ADD3: variants seen among roughly 807,000 people sequenced by gnomAD.
ADD3 encodes the protein gamma-adducin.
ADD3 carries 25 observed loss-of-function variants against 80.2 expected under a neutral mutation model. That is an observed-to-expected ratio of 0.31 (90% CI 0.23 to 0.44). The LOEUF is 0.44. Ranked by LOEUF, ADD3 falls within the 20% of genes least tolerant of loss-of-function variation. ADD3 has a pLI of 1.00. For missense variants in ADD3, 829 were observed against 847.5 expected, an observed-to-expected ratio of 0.98 and a Z score of 0.27; for synonymous variants, 284 against 289.6, an observed-to-expected ratio of 0.98 and a Z score of 0.20.
chr10:110,040,235 G>T (rs929848108), intron 1 of ADD3, among the ~76,000 whole-genome samples: 1 of 151,838 alleles, frequency 6.6e-6, no homozygotes, highest in African/African-American at 2.4e-5. Flanking sequence ...GTTAGACATT[G>T]CTAGTTTGAA....
upstream of ADD3, among the ~76,000 whole-genome samples, chr10:110,003,245 T>C (rs1278336169): frequency 6.6e-6 from 1 of 151,738 alleles, no homozygotes; most frequent in Non-Finnish European, 1.5e-5. Context: ...TATGCATATT[T>C]CCCAACCCAA....
rs12268910 is a variant in ADD3 at position 110,118,752 on chromosome 10, T to G, written c.717+16T>G. 0.23 allele frequency: 368,606 copies of G among 1,608,486 alleles called. 60,748 individuals are homozygous for G. The highest frequency in any genetic ancestry group is 0.75 in the African/African-American group (56,479 of 74,828). On this transcript the variant is annotated intron_variant, in intron 6 of 14. Coordinates refer to ENST00000356080, the MANE Select transcript of ADD3 (RefSeq NM_016824.5). ...AACAGCAGCTGTAAGTCAATGAAAG[T>G]CCAAAACTGACAGGACGCTGGAAGA...
At chr10:110,061,546 A>G (rs1322237787) in intron 1 of ADD3, among the ~76,000 whole-genome samples, 6 of 152,258 alleles carry the variant, frequency 3.9e-5, no homozygotes, top group South Asian at 2.1e-4. Context: ...TGCAGTGCCC[A>G]TAAGTGCTGA....
At chr10:110,124,411 T>C in intron 10 of ADD3, 137 bp downstream of exon 10, 3 of 1,039,826 alleles carry the variant, frequency 2.9e-6, no homozygotes, top group Middle Eastern at 6.1e-4. Context: ...GGCTTTAACT[T>C]TGTGCAAGAC....
chr10:110,015,158 A>G (rs1852807453), intron 1 of ADD3, among the ~76,000 whole-genome samples: 1 of 152,160 alleles, frequency 6.6e-6, no homozygotes, highest in Non-Finnish European at 1.5e-5. Context: ...TGGAGATTGC[A>G]CTAAAAGGAA....
intron 6 of ADD3, 65 bp from the exon 7 acceptor site, chr10:110,119,146 C>A: frequency 6.4e-7 from 1 of 1,562,310 alleles, no homozygotes; most frequent in Non-Finnish European, 8.8e-7. Flanking sequence ...ACCAAACAAT[C>A]AGGTTCCTAT....
chr10:110,028,827 A>G (rs1055513698), intron 1 of ADD3, among the ~76,000 whole-genome samples: 6 of 151,730 alleles, frequency 4.0e-5, no homozygotes, highest in African/African-American at 1.5e-4. Flanking sequence ...GTTAAGAGAA[A>G]AATCACAATT....
intron 5 of ADD3, among the ~76,000 whole-genome samples, chr10:110,118,055 C>T (rs1323497160): frequency 2.1e-5 from 3 of 141,572 alleles, no homozygotes; most frequent in East Asian, 2.0e-4. Flanking sequence ...CACACACACA[C>T]ACACACACAC....
At chr10:110,088,855 A>G (rs1308968981) in intron 1 of ADD3, among the ~76,000 whole-genome samples, 1 of 152,040 alleles carries the variant, frequency 6.6e-6, no homozygotes, top group Non-Finnish European at 1.5e-5. Flanking sequence ...CGTCACAATG[A>G]CTGTATTAGG....
chr10:110,060,046 G>A (rs1858695913), intron 1 of ADD3, among the ~76,000 whole-genome samples: 1 of 152,222 alleles, frequency 6.6e-6, no homozygotes, highest in Non-Finnish European at 1.5e-5. Context: ...TGCTAGAAAT[G>A]TGAAGTGAAG....
At chr10:110,037,268 T>C (rs1030479384) in intron 1 of ADD3, among the ~76,000 whole-genome samples, 1 of 152,378 alleles carries the variant, frequency 6.6e-6, no homozygotes, top group African/African-American at 2.4e-5. Context: ...GCATGAAATT[T>C]TGTGACACAG....
chr10:110,101,635 TAAA>T (rs201966150), intron 2 of ADD3, among the ~76,000 whole-genome samples: 3 of 102,696 alleles, frequency 2.9e-5, no homozygotes, highest in Non-Finnish European at 4.1e-5. Flanking sequence ...AGACCTTACC[TAAA>T]AAAAAAAAAA....
intron 1 of ADD3, among the ~76,000 whole-genome samples, chr10:110,088,134 C>G (rs1847030620): frequency 6.6e-6 from 1 of 152,166 alleles, no homozygotes; most frequent in Non-Finnish European, 1.5e-5. Context: ...AGGACTCACC[C>G]TAATCCAGTA....
chr10:110,064,703 C>G (rs1334809631), intron 1 of ADD3, among the ~76,000 whole-genome samples: 1 of 152,136 alleles, frequency 6.6e-6, no homozygotes, highest in Non-Finnish European at 1.5e-5. Flanking sequence ...GCTGTCTCTT[C>G]CCTTTTTCTG....
At chr10:110,015,665 C>T (rs1488893248) in intron 1 of ADD3, among the ~76,000 whole-genome samples, 6 of 149,704 alleles carry the variant, frequency 4.0e-5, no homozygotes, top group African/African-American at 1.0e-4. Flanking sequence ...TGAGCCACTG[C>T]GCCTGGCAGA....
At position 110,104,443 on chromosome 10, in the gene ADD3, C is replaced by G. The variant is rs11194984; in HGVS notation, c.195+3595C>G. Among the ~76,000 whole-genome samples, 715 of 152,276 alleles carry G rather than the reference C, an allele frequency of 4.7e-3. 10 individuals carry two copies. The highest frequency in any genetic ancestry group is 0.016 in the African/African-American group (661 of 41,534). On this transcript the variant is annotated intron_variant, in intron 2 of 14. Coordinates refer to ENST00000356080, the MANE Select transcript of ADD3 (RefSeq NM_016824.5). ...AGAAGTTTTAGGGGTGCAAAGGCCCCTTTTCCTTTTGTACTGTCTTTGTTC... is the reference window on the plus strand; with the variant it reads ...AGAAGTTTTAGGGGTGCAAAGGCCCGTTTTCCTTTTGTACTGTCTTTGTTC...
At chr10:110,063,450 T>C (rs1158929468) in intron 1 of ADD3, among the ~76,000 whole-genome samples, 1 of 152,010 alleles carries the variant, frequency 6.6e-6, no homozygotes, top group East Asian at 1.9e-4. Flanking sequence ...GGAGTATATA[T>C]AGAGCTCATA....
chr10:110,126,599 T>C (rs1852188604), intron 12 of ADD3, 96 bp downstream of exon 12: 10 of 883,340 alleles, frequency 1.1e-5, no homozygotes, highest in Middle Eastern at 3.3e-4. Flanking sequence ...AAGGTTAATA[T>C]AAGCACAAGT....
At chr10:110,020,967 A>G (rs1216307694) in intron 1 of ADD3, among the ~76,000 whole-genome samples, 3 of 152,058 alleles carry the variant, frequency 2.0e-5, no homozygotes, top group South Asian at 2.1e-4. Context: ...TCTATTTGCA[A>G]GTTGCTATGA....
Sources: allele counts gnomAD v4.1 joint callset (sites outside exome capture counted in the v4.1 genomes callset), GRCh38; gene constraint gnomAD v4.1.1; transcripts MANE v1.5; gene names NCBI Gene and HGNC (gene_info 2026-07-23, HGNC 2026-07-21).